The following HLF variants were observed in gnomAD, a reference collection of about 807,000 sequenced individuals.
HLF encodes hepatic leukemia factor.
HLF carries 3 observed loss-of-function variants against 22.6 expected under a neutral mutation model. The observed-to-expected ratio is 0.13, with a 90% CI of 0.06 to 0.34. The LOEUF is 0.34. Ranked by LOEUF, HLF falls within the 10% of genes least tolerant of loss-of-function variation. The pLI, the probability that HLF is intolerant of heterozygous loss-of-function variation, is 1.00. For synonymous variants in HLF, 151 were observed against 151.8 expected (o/e 0.99, Z 0.04); for missense variants, 299 against 389.2 (o/e 0.77, Z 1.95).
At chr17:55,270,129 A>G (rs2080838746) in intron 2 of HLF, among the ~76,000 whole-genome samples, 2 of 152,346 alleles carry the variant, frequency 1.3e-5, no homozygotes, top group East Asian at 1.9e-4. Flanking sequence ...GTTGCAATGC[A>G]TAGCAAAGAA....
intron 2 of HLF, among the ~76,000 whole-genome samples, chr17:55,305,700 G>A (rs1037172826): frequency 1.3e-5 from 2 of 152,170 alleles, no homozygotes; most frequent in Non-Finnish European, 2.9e-5. Flanking sequence ...TGCCCGCCTC[G>A]CAGAGGCTGA....
chr17:55,273,701 GC>G lies in HLF; in HGVS notation c.451+5616del, dbSNP rs529980713. On this transcript the variant is annotated intron_variant, in intron 2 of 3. Transcript: ENST00000226067. ...CTGCCTGCATGACCGTGTGCTCCAG[GC>G]ACGTGGCTGTGCCCTGTGGAGCTTG... 878 of 151,956 alleles carry G rather than the reference GC, an allele frequency of 5.8e-3. 2 individuals carry two copies. Among genetic ancestry groups the G allele is most frequent in the Middle Eastern group, 0.011 (3 of 284 alleles). 9.4% of individuals were successfully genotyped at this position (151,956 alleles called of 1,614,324 possible). A position where few individuals can be genotyped will look rare whatever the true frequency, so the allele number is the denominator to read the frequency against.
At chr17:55,267,587 C>A in intron 1 of HLF, 164 bp from the exon 2 acceptor site, 1 of 559,110 alleles carries the variant, frequency 1.8e-6, no homozygotes. Flanking sequence ...GATCCACGTC[C>A]TGCCTGAACT....
intron 2 of HLF, among the ~76,000 whole-genome samples, chr17:55,285,755 G>A (rs958119044): frequency 2.0e-5 from 3 of 152,212 alleles, no homozygotes; most frequent in Admixed American, 6.5e-5. Flanking sequence ...ATTTCACTTC[G>A]GAACACACTT....
chr17:55,293,675 T>C (rs898831487), intron 2 of HLF, among the ~76,000 whole-genome samples: 1 of 152,146 alleles, frequency 6.6e-6, no homozygotes, highest in African/African-American at 2.4e-5. Context: ...GTGAGCAAAA[T>C]GGTGCTGGGG....
At chr17:55,304,946 C>T (rs991598989) in intron 2 of HLF, among the ~76,000 whole-genome samples, 1 of 152,226 alleles carries the variant, frequency 6.6e-6, no homozygotes, top group Admixed American at 6.5e-5. Flanking sequence ...TGAGCTACCT[C>T]GTGCAGGACA....
intron 2 of HLF, among the ~76,000 whole-genome samples, chr17:55,293,252 T>TC: frequency 8.3e-6 from 1 of 120,590 alleles, no homozygotes; most frequent in East Asian, 4.5e-4. Context: ...ATATACATTT[T>TC]TTTAATTAAG....
chr17:55,272,714 A>G (rs1255466942), intron 2 of HLF: 1 of 152,238 alleles, frequency 6.6e-6, no homozygotes, highest in Non-Finnish European at 1.5e-5. Flanking sequence ...GTAATGATGG[A>G]GGGAAGTTCT....
chr17:55,307,830 TAAAAA>T (rs11383235), intron 2 of HLF, among the ~76,000 whole-genome samples: 2 of 136,174 alleles, frequency 1.5e-5, no homozygotes, highest in African/African-American at 5.4e-5. Flanking sequence ...ATAAATATTG[TAAAAA>T]AAAAAAAAAA....
intron 2 of HLF, among the ~76,000 whole-genome samples, chr17:55,296,844 T>A (rs1228061860): frequency 6.6e-6 from 1 of 152,192 alleles, no homozygotes; most frequent in Admixed American, 6.5e-5. Flanking sequence ...AAAATTTTTT[T>A]TTTTTTTTAC....
chr17:55,267,552 A>T (rs571526277), intron 1 of HLF, 199 bp from the exon 2 acceptor site: 1 of 526,408 alleles, frequency 1.9e-6, no homozygotes, highest in African/African-American at 1.9e-5. Context: ...CAAAGTAAAT[A>T]GGAAGATGTT....
intron 3 of HLF, among the ~76,000 whole-genome samples, chr17:55,315,757 AC>A (rs961357523): frequency 1.3e-5 from 2 of 152,164 alleles, no homozygotes; most frequent in African/African-American, 4.8e-5. Flanking sequence ...ATAAAATTAA[AC>A]CCCACATCTT....
intron 2 of HLF, among the ~76,000 whole-genome samples, chr17:55,302,334 C>G (rs969709073): frequency 3.3e-5 from 5 of 152,238 alleles, no homozygotes; most frequent in Non-Finnish European, 5.9e-5. Context: ...TTTGGAAAGG[C>G]ATGTTTGCCT....
chr17:55,315,516 G>A lies in HLF; in HGVS notation c.672+69G>A. 4 of 1,173,162 alleles carry A rather than the reference G, an allele frequency of 3.4e-6. No individual in the cohort carries two copies. The South Asian group carries it at 5.1e-5, about 15-fold the overall frequency. The allele number at this position is 1,173,162 out of a possible 1,614,324, so 72.7% of individuals were successfully genotyped here. On this transcript the variant is annotated intron_variant, in intron 3 of 3. Transcript: ENST00000226067. ...GGATCCACAGACAGATTAAAAGGGTGACCCCAGGATGATCCCAGAAGCTAG... is the reference window on the plus strand; with the variant it reads ...GGATCCACAGACAGATTAAAAGGGTAACCCCAGGATGATCCCAGAAGCTAG...
At chr17:55,268,821 T>A (rs1487700934) in intron 2 of HLF, among the ~76,000 whole-genome samples, 1 of 152,102 alleles carries the variant, frequency 6.6e-6, no homozygotes, top group Non-Finnish European at 1.5e-5. Flanking sequence ...CAGCTGTAAA[T>A]GATCTTGAAA....
intron 3 of HLF, among the ~76,000 whole-genome samples, chr17:55,319,477 G>A (rs9895566): frequency 0.14 from 21,783 of 152,062 alleles, 1,680 homozygotes; most frequent in Non-Finnish European, 0.17. Flanking sequence ...GCCACCATCA[G>A]TGAATTGGGA....
intron 2 of HLF, among the ~76,000 whole-genome samples, chr17:55,313,687 A>G (rs1484361835): frequency 1.3e-5 from 2 of 152,148 alleles, no homozygotes; most frequent in Non-Finnish European, 2.9e-5. Flanking sequence ...AAGAGGCACA[A>G]GATCAAATCT....
intron 2 of HLF, among the ~76,000 whole-genome samples, chr17:55,303,032 G>A (rs927157233): frequency 5.3e-5 from 8 of 152,188 alleles, no homozygotes; most frequent in African/African-American, 1.4e-4. Flanking sequence ...GACTAGGTCC[G>A]CCAGATGCAG....
In HLF at chr17:55,280,996, A is replaced by G. The variant is rs541936276; in HGVS notation, c.451+12910A>G. ...CCTGGTATGACTTTGGTTTCCAGCT[A>G]GATTACAGCTGTGGGGTTCTTGGCC... On this transcript the variant is annotated intron_variant, in intron 2 of 3. Transcript: ENST00000226067. Among the ~76,000 whole-genome samples, 9 of 152,348 alleles carry G rather than the reference A, an allele frequency of 5.9e-5. No individual in the cohort carries two copies. In the East Asian group the frequency reaches 1.2e-3, roughly 20 times the overall value.
Sources: allele counts gnomAD v4.1 joint callset (sites outside exome capture counted in the v4.1 genomes callset), GRCh38; gene constraint gnomAD v4.1.1; transcripts MANE v1.5; gene names NCBI Gene and HGNC (gene_info 2026-07-23, HGNC 2026-07-21).